Variants in PELO observed in about 807,000 individuals in gnomAD.
The protein encoded by PELO is protein pelota homolog.
PELO carries 19 observed loss-of-function variants against 25.9 expected under a neutral mutation model. That is an observed-to-expected ratio of 0.73 (90% CI 0.51 to 1.08). The LOEUF is 1.08. Among genes scored for constraint, PELO ranks in the 50% least tolerant of loss-of-function variants. The probability of loss-of-function intolerance (pLI) is 0.00; values close to 1 mark genes in which losing one functional copy is unlikely to be tolerated. For synonymous variants in PELO, 196 were observed against 192.2 expected, an observed-to-expected ratio of 1.02 and a Z score of -0.16; for missense variants, 498 against 491.4, an observed-to-expected ratio of 1.01 and a Z score of -0.13.
In PELO at chr5:52,800,620, T is replaced by A. The variant is rs1054497597; in HGVS notation, c.226T>A (p.Ser76Thr). Residue 76 changes from serine (S) to threonine (T), a missense_variant, in exon 2 of 3, where the codon TCT becomes ACT. Coordinates refer to ENST00000274311, the MANE Select transcript of PELO (RefSeq NM_015946.5). ...CTGCGTGGAGGCCATCGACTTCGAC[T>A]CTCAAGCCTGCCAGCTGCGGGTTAA... ...TLCVEAIDFD[S>T]QACQLRVKGT... is the part of the protein sequence containing the mutation. The A allele has an allele frequency of 1.2e-6, 2 of 1,613,900 alleles. No individual in the cohort carries two copies. Among genetic ancestry groups the A allele is most frequent in the Non-Finnish European group, 1.7e-6 (2 of 1,179,844 alleles).
Position 52,803,615 on chromosome 5 carries a change from A to G in PELO, c.*1775A>G, listed in dbSNP as rs1427786505. 6.6e-6 allele frequency: 1 copy of G among 152,212 alleles called. No homozygotes were observed. Among genetic ancestry groups the G allele is most frequent in the Non-Finnish European group, 1.5e-5 (1 of 68,042 alleles). The allele number at this position is 152,212 out of a possible 1,614,324, so 9.4% of individuals were successfully genotyped here. A position where few individuals can be genotyped will look rare whatever the true frequency, so the allele number is the denominator to read the frequency against. ...CCAGGTTGCAGCTCAGACTAGTTAA[A>G]TAACGTTTTATCCCTAGAAATGTTT... On this transcript the variant is annotated 3_prime_UTR_variant, in exon 3 of 3. Transcript: ENST00000274311.
chr5:52,794,930 T>C (rs1459457017), intron 1 of PELO, among the ~76,000 whole-genome samples: 1 of 152,020 alleles, frequency 6.6e-6, no homozygotes, highest in Non-Finnish European at 1.5e-5. Context: ...TTCTAAAATA[T>C]TTTAAGAACT....
chr5:52,802,131 C>T lies in PELO; in HGVS notation c.*291C>T, dbSNP rs564671625. 1.3e-5 allele frequency: 4 copies of T among 297,476 alleles called. No homozygotes were observed. The Admixed American group carries it at 1.4e-4, about 11-fold the overall frequency. The allele number at this position is 297,476 out of a possible 1,614,324, so 18.4% of individuals were successfully genotyped here. On this transcript the variant is annotated 3_prime_UTR_variant, in exon 3 of 3. Transcript: ENST00000274311. ...AACAGAAAATGTGTGTATTTAAAGA[C>T]GATGCCTATGCAGTATATTGTTTGG...
chr5:52,801,351 C>A, intron 2 of PELO, 58 bp from the exon 3 acceptor site: 1 of 1,420,522 alleles, frequency 7.0e-7, no homozygotes, highest in Non-Finnish European at 9.7e-7. Flanking sequence ...CCTTTGTGAG[C>A]TGATTAATGG....
intron 2 of PELO, 94 bp downstream of exon 2, chr5:52,801,214 A>T: frequency 1.5e-6 from 2 of 1,322,574 alleles, no homozygotes; most frequent in Non-Finnish European, 2.1e-6. Context: ...ATAAGAAGAG[A>T]AAGTCTTTAC....
rs1441101074 is a variant in PELO, at chr5:52,803,771, G to A, written c.*1931G>A. ...AGCTTGTTGGAAACTAGAATTCAGG[G>A]ATCTTTTGTAGACCTACTGAGACAG... On this transcript the variant is annotated 3_prime_UTR_variant, in exon 3 of 3. Transcript: ENST00000274311. 2.0e-5 allele frequency: 3 copies of A among 152,108 alleles called. No homozygotes were observed. 9.4% of individuals were successfully genotyped at this position (152,108 alleles called of 1,614,324 possible). A position where few individuals can be genotyped will look rare whatever the true frequency, so the allele number is the denominator to read the frequency against.
chr5:52,800,323 T>C lies in PELO; in HGVS notation c.-72T>C. ...GCCCCCTTCCTGGCCTGCATTCCCA[T>C]CCCCTCTCCCGGGGCGGAGGTGAGG... is the stretch of plus-strand genomic sequence containing the variant. On this transcript the variant is annotated 5_prime_UTR_variant, in exon 2 of 3. Transcript: ENST00000274311. 3 of 1,563,116 alleles carry C rather than the reference T, an allele frequency of 1.9e-6. No homozygotes were observed. The highest frequency in any genetic ancestry group is 2.6e-6 in the Non-Finnish European group (3 of 1,142,948).
chr5:52,795,957 T>G (rs1294190945), intron 1 of PELO, among the ~76,000 whole-genome samples: 3 of 151,934 alleles, frequency 2.0e-5, no homozygotes, highest in Non-Finnish European at 2.9e-5. Flanking sequence ...ACAAGAAACT[T>G]TGAATCAGTC....
chr5:52,793,957 A>G (rs547326830), intron 1 of PELO, among the ~76,000 whole-genome samples: 36 of 152,224 alleles, frequency 2.4e-4, no homozygotes, highest in African/African-American at 7.2e-4. Context: ...ATATAGGAAG[A>G]AGACTAATTT....
At chr5:52,794,651 T>TAA (rs544902977) in intron 1 of PELO, among the ~76,000 whole-genome samples, 4 of 142,206 alleles carry the variant, frequency 2.8e-5, no homozygotes, top group Non-Finnish European at 6.2e-5. Context: ...ACAAGTTCCT[T>TAA]AAAAAAAAAA....
Position 52,800,327 on chromosome 5 carries a change from C to T in PELO, c.-68C>T, listed in dbSNP as rs1484723230. ...CCTTCCTGGCCTGCATTCCCATCCC[C>T]TCTCCCGGGGCGGAGGTGAGGACCT... On this transcript the variant is annotated 5_prime_UTR_variant, in exon 2 of 3. Transcript: ENST00000274311. The T allele has an allele frequency of 5.7e-6, 9 of 1,579,936 alleles. No individual in the cohort carries two copies. The highest frequency in any genetic ancestry group is 3.4e-5 in the South Asian group (3 of 88,278).
At chr5:52,792,540 C>A (rs1285748680) in intron 1 of PELO, among the ~76,000 whole-genome samples, 1 of 152,126 alleles carries the variant, frequency 6.6e-6, no homozygotes, top group South Asian at 2.1e-4. Flanking sequence ...AGCATGAGCT[C>A]TTGGGCCACA....
At chr5:52,788,785 C>T (rs1748180792) in intron 1 of PELO, among the ~76,000 whole-genome samples, 1 of 152,050 alleles carries the variant, frequency 6.6e-6, no homozygotes, top group Non-Finnish European at 1.5e-5. Context: ...GAGGGTGATG[C>T]TTATAGGGCG....
chr5:52,800,550 C>T lies in PELO; in HGVS notation c.156C>T (p.Ser52=), dbSNP rs1748449548. ...TCCGCAAGGTACAGACAGAGTCCTC[C>T]ACGGGCAGCGTGGGCAGCAACCGGG... is the stretch of plus-strand genomic sequence containing the variant. The part of the protein sequence containing the change: ...STIRKVQTES[S]TGSVGSNRVR... The change falls in exon 2 of 3, where the codon TCC becomes TCT. Residue 52 remains serine (S), a synonymous_variant. Coordinates refer to ENST00000274311, the MANE Select transcript of PELO (RefSeq NM_015946.5). The T allele has an allele frequency of 6.2e-7, 1 of 1,613,844 alleles. No homozygotes were observed.
In PELO at chr5:52,800,848, G is replaced by A. The variant is rs1748462595; in HGVS notation, c.454G>A (p.Val152Ile). 1 of 1,609,316 alleles carries A rather than the reference G, an allele frequency of 6.2e-7. No homozygotes were observed. The highest frequency in any genetic ancestry group is 8.5e-7 in the Non-Finnish European group (1 of 1,176,902). Residue 152 changes from valine to isoleucine, a missense_variant, in exon 2 of 3, where the codon GTC becomes ATC. By Grantham distance (29) the Val-to-Ile change is conservative. Transcript: ENST00000274311. ...MQEGLAHICL[V>I]TPSMTLTRAK... ...GGAAGGCCTCGCCCATATCTGCTTA[G>A]TCACTCCCAGCATGACCCTCACTCG... is the stretch of plus-strand genomic sequence containing the variant.
intron 1 of PELO, among the ~76,000 whole-genome samples, chr5:52,791,361 G>A (rs1748235192): frequency 6.6e-6 from 1 of 152,166 alleles, no homozygotes; most frequent in South Asian, 2.1e-4. Context: ...AGGTGGCAGT[G>A]TTAGTTTGAT....
chr5:52,800,700 C>G lies in PELO; in HGVS notation c.306C>G (p.Ile102Met). ...TCAAGATGGGGGCTTACCACACCAT[C>G]GAGCTGGAGCCCAACCGCCAGTTCA... ...EYVKMGAYHTIELEPNRQFTL... is the reference protein window; with the variant it reads ...EYVKMGAYHTMELEPNRQFTL... The change falls in exon 2 of 3, where the codon ATC (isoleucine) becomes ATG (methionine). Residue 102 changes from isoleucine (I) to methionine (M), a missense_variant. Transcript: ENST00000274311. 3 of 1,614,220 alleles carry G rather than the reference C, an allele frequency of 1.9e-6. No homozygotes were observed. The highest frequency in any genetic ancestry group is 2.5e-6 in the Non-Finnish European group (3 of 1,180,032).
At chr5:52,799,592 T>A (rs749602873) in intron 1 of PELO, among the ~76,000 whole-genome samples, 2 of 152,208 alleles carry the variant, frequency 1.3e-5, no homozygotes, top group African/African-American at 2.4e-5. Flanking sequence ...ACACGGTAAC[T>A]AGGCGCAGAA....
In PELO at chr5:52,803,044, G is replaced by A. The variant is rs1561212984; in HGVS notation, c.*1204G>A. The A allele has an allele frequency of 1.3e-5, 2 of 152,154 alleles. No individual in the cohort carries two copies. Among genetic ancestry groups the A allele is most frequent in the Non-Finnish European group, 2.9e-5 (2 of 68,040 alleles). The allele number at this position is 152,154 out of a possible 1,614,324, so 9.4% of individuals were successfully genotyped here. A position where few individuals can be genotyped will look rare whatever the true frequency, so the allele number is the denominator to read the frequency against. On this transcript the variant is annotated 3_prime_UTR_variant, in exon 3 of 3. Transcript: ENST00000274311. ...TCAATTTAGCAAAATAATTAGGAAC[G>A]ATCTAATAGTGATGATACAGTTTTT... is the stretch of plus-strand genomic sequence containing the variant.
Sources: gnomAD v4.1 joint callset for allele counts (sites outside exome capture counted in the v4.1 genomes callset) on GRCh38, gnomAD v4.1.1 for gene constraint, MANE v1.5 for transcripts, NCBI Gene and HGNC (gene_info 2026-07-23, HGNC 2026-07-21) for gene names.